The following PAXIP1 variants were observed in gnomAD, a reference collection of about 807,000 sequenced individuals.
PAXIP1 encodes PAX interacting protein 1, also known as PAX-interacting protein 1.
PAXIP1 carries 19 observed loss-of-function variants against 140.6 expected under a neutral mutation model. The observed-to-expected ratio is 0.14, with a 90% confidence interval of 0.09 to 0.20. PAXIP1 has a LOEUF of 0.20. Ranked by LOEUF, PAXIP1 falls within the 10% of genes least tolerant of loss-of-function variation. The probability of loss-of-function intolerance (pLI) is 1.00; values close to 1 mark genes in which losing one functional copy is unlikely to be tolerated. For missense variants in PAXIP1, 920 were observed against 1,208.6 expected (o/e 0.76, Z 3.54); for synonymous variants, 442 against 444.6 (o/e 0.99, Z 0.07).
At chr7:154,993,262 C>T (rs1489591525) in intron 3 of PAXIP1, among the ~76,000 whole-genome samples, 2 of 152,186 alleles carry the variant, frequency 1.3e-5, no homozygotes, top group African/African-American at 4.8e-5. Flanking sequence ...TTCTTCACCC[C>T]TCTATTTTCA....
chr7:154,991,534 A>C (rs969777714), intron 3 of PAXIP1, among the ~76,000 whole-genome samples: 4 of 152,236 alleles, frequency 2.6e-5, no homozygotes, highest in Admixed American at 6.5e-5. Flanking sequence ...ATTGAGCTCT[A>C]GTTTTATTAT....
rs1286320559 is a variant in PAXIP1 at position 155,002,976 on chromosome 7, AC to A, written c.-48del. On this transcript the variant is annotated 5_prime_UTR_variant, in exon 1 of 21. Transcript: ENST00000404141. ...TCCGCGGCGGCGCCCGGCCCCGCCC[AC>A]CCCCCGCCCCCGGCCCCCGCGGCGC... 8.8e-6 allele frequency: 6 copies of A among 684,226 alleles called. No individual in the cohort carries two copies. Among genetic ancestry groups the A allele is most frequent in the Non-Finnish European group, 1.0e-5 (6 of 602,010 alleles). 42.4% of individuals were successfully genotyped at this position (684,226 alleles called of 1,614,324 possible).
chr7:154,974,938 AG>A (rs1470936849), intron 6 of PAXIP1, among the ~76,000 whole-genome samples: 2 of 150,512 alleles, frequency 1.3e-5, no homozygotes, highest in Non-Finnish European at 2.9e-5. Flanking sequence ...AGAGATCAAG[AG>A]TTCAAAACCA....
At chr7:155,002,797 C>A (rs1287867897) in intron 1 of PAXIP1, 52 bp downstream of exon 1, 2 of 1,052,610 alleles carry the variant, frequency 1.9e-6, no homozygotes, top group South Asian at 2.0e-5. Flanking sequence ...GGGACGGGGA[C>A]GGACGGGGAC....
At chr7:154,972,715 C>A (rs1050675454) in intron 6 of PAXIP1, among the ~76,000 whole-genome samples, 8 of 152,214 alleles carry the variant, frequency 5.3e-5, no homozygotes, top group African/African-American at 1.9e-4. Flanking sequence ...TGAGAGAGAT[C>A]TTTACGGCCC....
rs778293623 is a variant in PAXIP1 at position 155,002,834 on chromosome 7, G to C, written c.81+15C>G. ...CGGACGGGGGAGGAGGCCGCGGCAG[G>C]GGCGGGCGCGGTACCTGCGGGTCGA... On this transcript the variant is annotated intron_variant, in intron 1 of 20. Coordinates refer to ENST00000404141, the MANE Select transcript of PAXIP1 (RefSeq NM_007349.4). The C allele has an allele frequency of 1.4e-5, 19 of 1,329,754 alleles. No individual in the cohort carries two copies. Among genetic ancestry groups the C allele is most frequent in the Non-Finnish European group, 1.9e-5 (19 of 1,014,374 alleles). 82.4% of individuals were successfully genotyped at this position (1,329,754 alleles called of 1,614,324 possible).
Position 154,946,164 on chromosome 7 carries a change from A to C in PAXIP1, c.3194+201T>G, listed in dbSNP as rs576872359. The C allele has an allele frequency of 7.1e-6, 7 of 980,412 alleles. No individual in the cohort carries two copies. The South Asian group carries it at 3.3e-4, about 46-fold the overall frequency. The allele number at this position is 980,412 out of a possible 1,614,324, so 60.7% of individuals were successfully genotyped here. A position where few individuals can be genotyped will look rare whatever the true frequency, so the allele number is the denominator to read the frequency against. On this transcript the variant is annotated intron_variant, in intron 20 of 20. Coordinates refer to ENST00000404141, the MANE Select transcript of PAXIP1 (RefSeq NM_007349.4). The surrounding 1 kb of genome is among the most constrained non-coding windows in gnomAD (Gnocchi z 4.9). ...AATTAACATCACCTATTAAAACTGA[A>C]CTCTCAGTAAGTTAAGAGAATATTT...
In PAXIP1 at chr7:154,963,527, G is replaced by A; in HGVS notation, c.1989+144C>T. The A allele has an allele frequency of 1.6e-6, 1 of 613,222 alleles. No homozygotes were observed. The highest frequency in any genetic ancestry group is 2.9e-6 in the Non-Finnish European group (1 of 340,250). 38.0% of individuals were successfully genotyped at this position (613,222 alleles called of 1,614,324 possible). ...CACAAAAGATATCAATCCCACCAAA[G>A]ATTCGATCACAGGAAGAAGGAATTT... is the stretch of plus-strand genomic sequence containing the variant. On this transcript the variant is annotated intron_variant, in intron 9 of 20. Transcript: ENST00000404141. The surrounding 1 kb of genome is among the most constrained non-coding windows in gnomAD (Gnocchi z 4.1).
intron 4 of PAXIP1, 136 bp from the exon 5 acceptor site, chr7:154,983,468 TAG>T: frequency 1.7e-6 from 1 of 591,592 alleles, no homozygotes. Context: ...GTAGAAAAAA[TAG>T]AGAAGCTTTT....
At chr7:154,955,507 T>C (rs1226549588) in intron 15 of PAXIP1, 22 bp downstream of exon 15, 2 of 1,446,044 alleles carry the variant, frequency 1.4e-6, no homozygotes, top group Non-Finnish European at 1.9e-6. Context: ...AAAATCCTTG[T>C]ACGAAGTAGA....
intron 14 of PAXIP1, 178 bp downstream of exon 14, chr7:154,957,045 AT>A (rs1162958603): frequency 2.3e-5 from 10 of 431,058 alleles, no homozygotes; most frequent in Non-Finnish European, 4.1e-5. Flanking sequence ...AAAATAAAAA[AT>A]ATACTGGCCT....
In PAXIP1 at chr7:154,954,124, T is replaced by A; in HGVS notation, c.2821+131A>T. On this transcript the variant is annotated intron_variant, in intron 16 of 20. Transcript: ENST00000404141. The surrounding 1 kb of genome is among the most constrained non-coding windows in gnomAD (Gnocchi z 5.1). ...GGAATCACTGGGGATATGAAATAAA[T>A]TTTTAAATTTAAATGAATAACTATC... 1 of 632,248 alleles carries A rather than the reference T, an allele frequency of 1.6e-6. No individual in the cohort carries two copies. Among genetic ancestry groups the A allele is most frequent in the South Asian group, 5.1e-5 (1 of 19,584 alleles). 39.2% of individuals were successfully genotyped at this position (632,248 alleles called of 1,614,324 possible).
At chr7:154,961,212 G>C in intron 11 of PAXIP1, 135 bp from the exon 12 acceptor site, 1 of 708,020 alleles carries the variant, frequency 1.4e-6, no homozygotes. Context: ...TAGCAAAGTT[G>C]AGGGTGACCC....
chr7:154,959,970 C>T (rs375526135), intron 12 of PAXIP1, 37 bp from the exon 13 acceptor site: 38 of 1,437,512 alleles, frequency 2.6e-5, no homozygotes, highest in Admixed American at 1.5e-4. Context: ...ATGATAGATA[C>T]GTTGTTTAAA....
At chr7:154,953,046 T>C (rs565660999) in intron 16 of PAXIP1, among the ~76,000 whole-genome samples, 71 of 152,244 alleles carry the variant, frequency 4.7e-4, no homozygotes, top group Non-Finnish European at 8.7e-4. Context: ...ATATTTAAAA[T>C]CTGTGGCCAA....
rs547505377 is a variant in PAXIP1 at position 154,967,720 on chromosome 7, G to A, written c.1893+96C>T. On this transcript the variant is annotated intron_variant, in intron 8 of 20. Transcript: ENST00000404141. Reference sequence around the variant, plus strand: ...TCACACATTCAGAACACGTGCAGGTGCAGCTCAGTGAATGCAGCTAAGTGA... The same window carrying A: ...TCACACATTCAGAACACGTGCAGGTACAGCTCAGTGAATGCAGCTAAGTGA... 1.4e-5 allele frequency: 11 copies of A among 788,754 alleles called. No individual in the cohort carries two copies. The East Asian group carries it at 2.9e-4, about 21-fold the overall frequency. 48.9% of individuals were successfully genotyped at this position (788,754 alleles called of 1,614,324 possible).
chr7:154,947,827 A>G (rs1390552660), intron 17 of PAXIP1, 76 bp downstream of exon 17: 3 of 1,062,722 alleles, frequency 2.8e-6, no homozygotes, highest in Non-Finnish European at 4.4e-6. Flanking sequence ...TTCCCACCAA[A>G]TCACCTGGTA....
At chr7:154,965,094 C>T (rs1364059681) in intron 8 of PAXIP1, 2 of 152,232 alleles carry the variant, frequency 1.3e-5, no homozygotes, top group East Asian at 3.8e-4. Context: ...GGGAGTCTCC[C>T]ATAACTCAGT....
chr7:154,953,138 T>G (rs1808346622), intron 16 of PAXIP1, among the ~76,000 whole-genome samples: 1 of 141,104 alleles, frequency 7.1e-6, no homozygotes, highest in African/African-American at 2.9e-5. Flanking sequence ...ATAAATAAGG[T>G]GAGTTTAGCC....
Sources: gnomAD v4.1 joint callset for allele counts (sites outside exome capture counted in the v4.1 genomes callset) on GRCh38, gnomAD v4.1.1 for gene constraint, Gnocchi (gnomAD v3.1) non-coding constraint, MANE v1.5 for transcripts, NCBI Gene and HGNC (gene_info 2026-07-23, HGNC 2026-07-21) for gene names.